DRP2: variants seen among roughly 807,000 people sequenced by gnomAD.
DRP2 encodes dystrophin-related protein 2.
DRP2 carries 29 observed loss-of-function variants against 78.2 expected under a neutral mutation model. The ratio of observed to expected loss-of-function variants is 0.37; its 90% CI spans 0.28 to 0.51. The LOEUF is 0.51. DRP2 is among the 20% of genes least tolerant of loss of function. The probability of loss-of-function intolerance (pLI) is 0.94; values close to 1 mark genes in which losing one functional copy is unlikely to be tolerated. For missense variants in DRP2, 686 were observed against 770.6 expected (o/e 0.89, Z 1.30); for synonymous variants, 290 against 281.9 (o/e 1.03, Z -0.29).
intron 1 of DRP2, 140 bp downstream of exon 1, chrX:101,220,286 C>CATGTGT (rs1556416271): frequency 3.4e-5 from 3 of 87,845 alleles, no homozygotes; most frequent in African/African-American, 5.5e-5. Context: ...TGTGTGTGTG[C>CATGTGT]GTGTGTGTGT....
rs764660708 is a variant in DRP2 at position 101,260,491 on chromosome X, AC to A, written c.2750-3del. ...TCTCTTCTCAAATCTCTGTTTTTTAACCCAGATGATGTGGGGTCAAAGAGCC... is the reference window on the plus strand; with the variant it reads ...TCTCTTCTCAAATCTCTGTTTTTTAACCAGATGATGTGGGGTCAAAGAGCC... On this transcript the variant is annotated splice_polypyrimidine_tract_variant and splice_region_variant and intron_variant, in intron 23 of 23. Transcript: ENST00000395209. 6 of 1,207,127 alleles carry A rather than the reference AC, an allele frequency of 5.0e-6. No individual in the cohort carries two copies. Among genetic ancestry groups the A allele is most frequent in the Non-Finnish European group, 6.7e-6 (6 of 893,810 alleles).
intron 1 of DRP2, among the ~76,000 whole-genome samples, chrX:101,222,474 G>A (rs773416707): frequency 1.1e-4 from 12 of 111,805 alleles, no homozygotes; most frequent in East Asian, 2.8e-4. Flanking sequence ...TGAGAATCTG[G>A]GATTATCTCC....
intron 2 of DRP2, among the ~76,000 whole-genome samples, chrX:101,230,110 A>G (rs1271030239): frequency 8.9e-6 from 1 of 111,995 alleles, no homozygotes; most frequent in Non-Finnish European, 1.9e-5. Context: ...TCTCCAATGT[A>G]CCTCAGAGTC....
intron 17 of DRP2, among the ~76,000 whole-genome samples, chrX:101,253,733 T>A (rs1380877265): frequency 9.2e-6 from 1 of 108,480 alleles, no homozygotes; most frequent in African/African-American, 3.4e-5. Flanking sequence ...CAAGCTTTCA[T>A]CTCTTCAAAT....
chrX:101,254,278 C>T (rs1602933763), intron 17 of DRP2, 147 bp from the exon 18 acceptor site: 1 of 767,357 alleles, frequency 1.3e-6, no homozygotes. Context: ...CATATATCCT[C>T]CCAGACCTTC....
chrX:101,255,172 C>T lies in DRP2; in HGVS notation c.2181-12C>T, dbSNP rs1200927001. The T allele has an allele frequency of 2.5e-6, 3 of 1,208,366 alleles. No homozygotes were observed. Among genetic ancestry groups the T allele is most frequent in the South Asian group, 1.8e-5 (1 of 56,720 alleles). ...TCCTGTTTTCTCTCCTGCCTCTGCT[C>T]TTTATTCCTAGGCTTGCTGAGATGG... On this transcript the variant is annotated splice_polypyrimidine_tract_variant and intron_variant, in intron 19 of 23. Transcript: ENST00000395209.
chrX:101,250,286 C>G, intron 14 of DRP2, 137 bp from the exon 15 acceptor site: 1 of 859,249 alleles, frequency 1.2e-6, no homozygotes, highest in Non-Finnish European at 1.7e-6. Context: ...CAGGGATAGA[C>G]CTCTATGTAG....
At position 101,243,439 on chromosome X, in the gene DRP2, A is replaced by G. The variant is rs750179801; in HGVS notation, c.1054+457A>G. ...AAACACAATCTCTCAAATCGGAGAG[A>G]TCTGGGTCTGAGGCACAGCACCTCA... is the stretch of plus-strand genomic sequence containing the variant. On this transcript the variant is annotated intron_variant, in intron 9 of 23. Transcript: ENST00000395209. Among the ~76,000 whole-genome samples, 5 of 106,730 alleles carry G rather than the reference A, an allele frequency of 4.7e-5. No homozygotes were observed. The South Asian group carries it at 2.2e-3, about 47-fold the overall frequency. 92.7% of individuals were successfully genotyped at this position (106,730 alleles called of 115,157 possible).
chrX:101,234,698 G>A (rs1161510479), intron 3 of DRP2, among the ~76,000 whole-genome samples: 2 of 110,762 alleles, frequency 1.8e-5, no homozygotes, highest in African/African-American at 6.6e-5. Flanking sequence ...ATCAGCTCCT[G>A]GGGCTGCAGG....
chrX:101,224,181 G>GTTTTTTTTTTTTTTTTTTTTTTTTTTTT (rs1379202759), intron 1 of DRP2, among the ~76,000 whole-genome samples: 5 of 47,654 alleles, frequency 1.0e-4, no homozygotes, highest in African/African-American at 3.7e-4. Flanking sequence ...ATGTTTGCTG[G>GTTTTTTTTTTTTTTTTTTTTTTTTTTTT]GTTTTTTTTG....
Position 101,250,982 on chromosome X carries a change from C to T in DRP2, c.1764C>T (p.Ser588=), listed in dbSNP as rs1437071735. Residue 588 remains serine (S), a synonymous_variant, in exon 16 of 24, where the codon TCC becomes TCT. Transcript: ENST00000395209. ...FLEWVNLEPQ[S]MVWLAVLHRV... ...AGTGGGTCAACCTGGAGCCCCAGTC[C>T]ATGGTGTGGCTGGCTGTTCTGCATC... The T allele has an allele frequency of 8.3e-7, 1 of 1,211,715 alleles. No homozygotes were observed. The highest frequency in any genetic ancestry group is 2.2e-5 in the Admixed American group (1 of 46,045).
chrX:101,249,320 G>C (rs749328075), intron 14 of DRP2, among the ~76,000 whole-genome samples: 1 of 112,500 alleles, frequency 8.9e-6, no homozygotes, highest in East Asian at 2.8e-4. Flanking sequence ...TCATATGACA[G>C]AAAAGAGACA....
chrX:101,244,857 CTT>C (rs1220143927), intron 9 of DRP2, among the ~76,000 whole-genome samples, 158 bp from the exon 10 acceptor site: 1 of 112,425 alleles, frequency 8.9e-6, no homozygotes, highest in Non-Finnish European at 1.9e-5. Flanking sequence ...CATTAGAACT[CTT>C]TGTCCCACCC....
intron 6 of DRP2, 115 bp from the exon 7 acceptor site, chrX:101,241,553 T>G: frequency 1.2e-6 from 1 of 825,090 alleles, no homozygotes; most frequent in East Asian, 3.2e-5. Context: ...TACACAAACA[T>G]GCCCACATGT....
In DRP2 at chrX:101,260,174, G is replaced by A; in HGVS notation, c.2749+5G>A. 1.7e-6 allele frequency: 2 copies of A among 1,210,853 alleles called. No homozygotes were observed. The highest frequency in any genetic ancestry group is 2.2e-6 in the Non-Finnish European group (2 of 895,120). On this transcript the variant is annotated splice_donor_5th_base_variant and intron_variant, in intron 23 of 23. Transcript: ENST00000395209. Reference sequence around the variant, plus strand: ...CTCCAGATACCGAGGCTGCAGGTGAGTTCCCCTGGCCTTTCCCAGCCCCTT... The same window carrying A: ...CTCCAGATACCGAGGCTGCAGGTGAATTCCCCTGGCCTTTCCCAGCCCCTT...
At chrX:101,246,153 C>T (rs1028007803) in intron 11 of DRP2, among the ~76,000 whole-genome samples, 2 of 112,192 alleles carry the variant, frequency 1.8e-5, no homozygotes, top group Non-Finnish European at 3.8e-5. Context: ...GAATGAGTGC[C>T]TCATCGTTTC....
chrX:101,258,591 A>C, intron 22 of DRP2, 45 bp downstream of exon 22: 3 of 1,093,257 alleles, frequency 2.7e-6, no homozygotes, highest in Non-Finnish European at 2.5e-6. Context: ...CTCTGAGCCC[A>C]GGGGAAGGGC....
intron 16 of DRP2, chrX:101,251,457 T>C (rs1923139705): frequency 8.2e-6 from 1 of 122,285 alleles, no homozygotes; most frequent in Non-Finnish European, 1.7e-5. Flanking sequence ...ATACTCCCAC[T>C]GTGAATGACA....
chrX:101,250,669 A>G, intron 15 of DRP2, 89 bp downstream of exon 15: 1 of 1,093,094 alleles, frequency 9.1e-7, no homozygotes, highest in East Asian at 3.1e-5. Flanking sequence ...TAGGCTTTTG[A>G]TCTGAAGTAC....
Sources: allele counts gnomAD v4.1 joint callset (sites outside exome capture counted in the v4.1 genomes callset), GRCh38; gene constraint gnomAD v4.1.1; transcripts MANE v1.5; gene names NCBI Gene and HGNC (gene_info 2026-07-23, HGNC 2026-07-21).